Variants in LRRC56 observed in about 807,000 individuals in gnomAD.
The protein encoded by LRRC56 is leucine-rich repeat-containing protein 56.
Under a neutral mutation model 47.8 loss-of-function variants are expected in LRRC56, and 41 were observed. The ratio of observed to expected loss-of-function variants is 0.86; its 90% CI spans 0.67 to 1.11. The LOEUF (loss-of-function observed/expected upper bound fraction) is 1.11, where lower values mean the gene tolerates loss of function less well. Ranked by LOEUF, LRRC56 falls within the 50% of genes most tolerant of loss-of-function variation. The pLI, the probability that LRRC56 is intolerant of heterozygous loss-of-function variation, is 0.00. For missense variants in LRRC56, 759 were observed against 704.2 expected (o/e 1.08, Z -0.88); for synonymous variants, 387 against 311.2 (o/e 1.24, Z -2.56).
the LRRC56 span, among the ~76,000 whole-genome samples, chr11:508,771 C>T: frequency 4.9e-5 from 7 of 144,004 alleles, no homozygotes; most frequent in African/African-American, 7.8e-5. Context: ...TGGCTGGGCG[C>T]GGTGGCTCAC....
chr11:554,756 G>T lies in LRRC56; in HGVS notation c.*480G>T, dbSNP rs1271011518. ...GGTGCGGTCCAGGCCTCCCGTCTCC[G>T]GGGGATCTGTAGGGTTCCCGCACTG... On this transcript the variant is annotated 3_prime_UTR_variant, in exon 14 of 14. Coordinates refer to ENST00000270115, the MANE Select transcript of LRRC56 (RefSeq NM_198075.4). 4 of 488,312 alleles carry T rather than the reference G, an allele frequency of 8.2e-6. No individual in the cohort carries two copies. The highest frequency in any genetic ancestry group is 1.4e-5 in the Non-Finnish European group (4 of 276,364). 30.2% of individuals were successfully genotyped at this position (488,312 alleles called of 1,614,324 possible).
chr11:553,234 C>A (rs1435145773), intron 13 of LRRC56, among the ~76,000 whole-genome samples: 1 of 152,222 alleles, frequency 6.6e-6, no homozygotes, highest in African/African-American at 2.4e-5. Flanking sequence ...TCAGTGTGAT[C>A]ACAGCTGCAA....
Position 551,700 on chromosome 11 carries a change from G to A in LRRC56, c.846G>A (p.Leu282=), listed in dbSNP as rs974564215. 6.2e-7 allele frequency: 1 copy of A among 1,610,448 alleles called. No individual in the cohort carries two copies. The highest frequency in any genetic ancestry group is 1.3e-5 in the African/African-American group (1 of 74,986). ...GGAGACTTGACCCCGAGCTGTCCCT[G>A]CCTGAGACGCAGTCCCGGGCCTCCA... ...PIRRLDPELS[L]PETQSRASRP... Residue 282 remains leucine (L), a synonymous_variant, in exon 10 of 14, where the codon CTG becomes CTA. Transcript: ENST00000270115.
At chr11:511,979 T>C in the LRRC56 span, among the ~76,000 whole-genome samples, 22 of 152,150 alleles carry the variant, frequency 1.4e-4, no homozygotes, top group African/African-American at 5.1e-4. Context: ...AGTCTTACTT[T>C]GTCACCCAGT....
At chr11:549,646 G>A (rs1852270815) in intron 6 of LRRC56, among the ~76,000 whole-genome samples, 2 of 152,360 alleles carry the variant, frequency 1.3e-5, no homozygotes, top group South Asian at 4.1e-4. Flanking sequence ...CACCCACTAT[G>A]AGGGCAGCGC....
At chr11:528,296 G>A in the LRRC56 span, among the ~76,000 whole-genome samples, 606 of 152,326 alleles carry the variant, frequency 4.0e-3, 9 homozygotes, top group South Asian at 0.034. Context: ...GATGTGATCC[G>A]ACGGGCAGGC....
chr11:545,511 G>A (rs1448741122), intron 6 of LRRC56, among the ~76,000 whole-genome samples: 1 of 150,290 alleles, frequency 6.7e-6, no homozygotes, highest in Non-Finnish European at 1.5e-5. Context: ...CAGACCAGAC[G>A]GCAGCCCCCG....
At chr11:534,544 G>C (rs1851337875), upstream of LRRC56, 2 of 595,194 alleles carry the variant, frequency 3.4e-6, no homozygotes, top group East Asian at 5.5e-5. Context: ...CAGCGTGCGG[G>C]AGGGCTGTCG....
upstream of LRRC56, chr11:533,715 C>T (rs370318085): frequency 6.2e-7 from 1 of 1,611,950 alleles, no homozygotes; most frequent in Non-Finnish European, 8.5e-7. Context: ...CGCAGCCGGC[C>T]TGGCCCCACC....
rs766004339 is a variant in LRRC56, at chr11:540,696, C to G, written c.12C>G (p.Gly4=). The G allele has an allele frequency of 6.2e-7, 1 of 1,612,696 alleles. No homozygotes were observed. The highest frequency in any genetic ancestry group is 1.3e-5 in the African/African-American group (1 of 75,026). The change falls in exon 4 of 14, where the codon GGC becomes GGG. Residue 4 remains glycine, a synonymous_variant. Coordinates refer to ENST00000270115, the MANE Select transcript of LRRC56 (RefSeq NM_198075.4). ...CAGGTGACATGTGAATGGATCTGGG[C>G]TGGGACAGATCCCGTGGGCCTCGGC... is the stretch of plus-strand genomic sequence containing the variant. MDL[G]WDRSRGPRRS...
upstream of LRRC56, chr11:533,697 T>TGCCTGGACGCAGCCG (rs1214086587): frequency 3.1e-6 from 5 of 1,611,208 alleles, no homozygotes; most frequent in Non-Finnish European, 3.4e-6. Flanking sequence ...AGGAGGCCCC[T>TGCCTGGACGCAGCCG]GCCTGGACGC....
In LRRC56 at chr11:550,133, T is replaced by G. The variant is rs945596282; in HGVS notation, c.485T>G (p.Leu162Trp). 2.5e-6 allele frequency: 4 copies of G among 1,613,396 alleles called. No homozygotes were observed. The highest frequency in any genetic ancestry group is 3.4e-6 in the Non-Finnish European group (4 of 1,179,904). ...AGCCCACTGTGCCTGCTGGAACAAT[T>G]GGAGGTGCTGGACCTGGAGGGCAAC... ...DLSPLCLLEQ[L>W]EVLDLEGNSV... The change falls in exon 8 of 14, where the codon TTG becomes TGG. Residue 162 changes from leucine (L) to tryptophan (W), a missense_variant. Leu to Trp is a moderately conservative substitution (Grantham distance 61). Transcript: ENST00000270115.
At chr11:512,618 G>A in the LRRC56 span, among the ~76,000 whole-genome samples, 19 of 152,280 alleles carry the variant, frequency 1.2e-4, no homozygotes, top group African/African-American at 4.1e-4. Context: ...ACAAAGGCCC[G>A]GAGGTTTAAA....
the LRRC56 span, chr11:532,435 C>A: frequency 1.3e-6 from 1 of 743,382 alleles, no homozygotes. Flanking sequence ...AGCAGCCCTT[C>A]CTTCCTTCCT....
chr11:551,878 G>T (rs1263790621), intron 10 of LRRC56, 25 bp from the exon 11 acceptor site: 7 of 1,611,858 alleles, frequency 4.3e-6, no homozygotes, highest in Non-Finnish European at 5.1e-6. Context: ...CCCCGAACCA[G>T]GCCCAGCCAT....
At chr11:540,982 T>C in intron 4 of LRRC56, 121 bp downstream of exon 4, 1 of 887,926 alleles carries the variant, frequency 1.1e-6, no homozygotes. Context: ...TGCCTGCTGA[T>C]GGTTGGCCTC....
chr11:534,648 C>A, upstream of LRRC56: 1 of 447,484 alleles, frequency 2.2e-6, no homozygotes, highest in Non-Finnish European at 4.1e-6. Context: ...CAACCACGCA[C>A]CCAAATTAGA....
At chr11:512,079 G>A in the LRRC56 span, among the ~76,000 whole-genome samples, 1 of 151,670 alleles carries the variant, frequency 6.6e-6, no homozygotes, top group East Asian at 2.0e-4. Context: ...GAGTAGCTGG[G>A]ACTACAGGTG....
At chr11:546,437 G>A (rs1420335456) in intron 6 of LRRC56, among the ~76,000 whole-genome samples, 2 of 151,606 alleles carry the variant, frequency 1.3e-5, no homozygotes, top group African/African-American at 2.4e-5. Flanking sequence ...GCGTGGTGGT[G>A]GGCGCCTGTA....
Sources: allele counts gnomAD v4.1 joint callset (sites outside exome capture counted in the v4.1 genomes callset), GRCh38; gene constraint gnomAD v4.1.1; transcripts MANE v1.5; gene names NCBI Gene and HGNC (gene_info 2026-07-23, HGNC 2026-07-21).